The following ADGRB3 variants were observed in gnomAD, a reference collection of about 807,000 sequenced individuals.
ADGRB3 encodes adhesion G protein-coupled receptor B3.
In ADGRB3, 37 loss-of-function variants were observed where a neutral mutation model predicts 193.4. The ratio of observed to expected loss-of-function variants is 0.19; its 90% CI spans 0.15 to 0.25. The LOEUF is 0.25. Ranked by LOEUF, ADGRB3 falls within the 10% of genes least tolerant of loss-of-function variation. The probability of loss-of-function intolerance (pLI) is 1.00; values close to 1 mark genes in which losing one functional copy is unlikely to be tolerated. For missense variants in ADGRB3, 1,637 were observed against 1,852.9 expected (o/e 0.88, Z 2.14); for synonymous variants, 690 against 644.2 (o/e 1.07, Z -1.08).
At chr6:68,969,120 ATAAAG>A (rs897971761) in intron 8 of ADGRB3, among the ~76,000 whole-genome samples, 7 of 152,220 alleles carry the variant, frequency 4.6e-5, no homozygotes, top group East Asian at 3.9e-4. Flanking sequence ...GATTAAAAAG[ATAAAG>A]TAAAACCTGG....
intron 8 of ADGRB3, among the ~76,000 whole-genome samples, chr6:68,958,497 C>A (rs1228883962): frequency 6.6e-6 from 1 of 152,088 alleles, no homozygotes; most frequent in Non-Finnish European, 1.5e-5. Flanking sequence ...TTAAAATTGT[C>A]TTTCATCTGC....
chr6:68,740,013 A>G (rs1262231044), intron 3 of ADGRB3, among the ~76,000 whole-genome samples: 1 of 152,194 alleles, frequency 6.6e-6, no homozygotes, highest in Non-Finnish European at 1.5e-5. Flanking sequence ...TATTATTAAT[A>G]ATAATAATGC....
Position 69,298,335 on chromosome 6 carries a change from CTTTT to C in ADGRB3, c.2815-26533_2815-26530del, listed in dbSNP as rs965114218. Among the ~76,000 whole-genome samples the C allele has an allele frequency of 7.9e-5, 12 of 151,854 alleles. No individual in the cohort carries two copies. In the South Asian group the frequency reaches 2.3e-3, roughly 29 times the overall value. ...AAATAGGGGAACTATCTTCTTTATTCTTTTTTTAAGTTTTAATTTTTACGTATAT... is the reference window on the plus strand; with the variant it reads ...AAATAGGGGAACTATCTTCTTTATTCTTTAAGTTTTAATTTTTACGTATAT... On this transcript the variant is annotated intron_variant, in intron 20 of 31. Transcript: ENST00000370598.
At chr6:69,134,435 G>A (rs1259145149) in intron 17 of ADGRB3, among the ~76,000 whole-genome samples, 1 of 152,058 alleles carries the variant, frequency 6.6e-6, no homozygotes, top group Admixed American at 6.6e-5. Context: ...TTTGCCAATT[G>A]CACTGTGAAA....
intron 3 of ADGRB3, among the ~76,000 whole-genome samples, chr6:68,902,606 G>A (rs993285073): frequency 3.3e-5 from 5 of 151,846 alleles, no homozygotes; most frequent in Non-Finnish European, 5.9e-5. Context: ...TAATATAGTT[G>A]GTTGTTTGAT....
chr6:68,965,452 T>TG (rs916855937), intron 8 of ADGRB3, among the ~76,000 whole-genome samples: 90 of 139,796 alleles, frequency 6.4e-4, no homozygotes, highest in African/African-American at 8.8e-4. Context: ...CATGTTTTTT[T>TG]TTTGTGTGTG....
chr6:69,388,152 A>C (rs560866527), intron 31 of ADGRB3, among the ~76,000 whole-genome samples: 40 of 152,118 alleles, frequency 2.6e-4, no homozygotes, highest in Non-Finnish European at 5.7e-4. Flanking sequence ...ACAACAAAAA[A>C]CTCATAAAAC....
chr6:68,884,705 G>A (rs1273301948), intron 3 of ADGRB3, among the ~76,000 whole-genome samples: 1 of 152,120 alleles, frequency 6.6e-6, no homozygotes, highest in African/African-American at 2.4e-5. Flanking sequence ...ACAGGTAGGT[G>A]TGGGGAGGAG....
chr6:69,066,776 A>G (rs1178314131), intron 16 of ADGRB3, among the ~76,000 whole-genome samples: 1 of 152,072 alleles, frequency 6.6e-6, no homozygotes, highest in Non-Finnish European at 1.5e-5. Context: ...TTTGTTTTTT[A>G]TATCACTTAA....
intron 3 of ADGRB3, among the ~76,000 whole-genome samples, chr6:68,683,566 A>G (rs1034409735): frequency 6.6e-6 from 1 of 152,116 alleles, no homozygotes; most frequent in African/African-American, 2.4e-5. Flanking sequence ...ATTTTTCTAC[A>G]ATATGTATTG....
At chr6:69,055,987 C>T (rs1056058236) in intron 15 of ADGRB3, among the ~76,000 whole-genome samples, 8 of 151,988 alleles carry the variant, frequency 5.3e-5, no homozygotes, top group Admixed American at 3.9e-4. Context: ...TGTACTATCA[C>T]GCCTGGCTAA....
At chr6:69,223,511 A>C (rs999630138) in intron 17 of ADGRB3, among the ~76,000 whole-genome samples, 9 of 152,134 alleles carry the variant, frequency 5.9e-5, no homozygotes, top group East Asian at 5.8e-4. Flanking sequence ...TGCCAAAAGC[A>C]TGACTCAGTC....
chr6:69,139,311 C>G (rs11759629), intron 17 of ADGRB3, among the ~76,000 whole-genome samples: 3 of 152,062 alleles, frequency 2.0e-5, no homozygotes, highest in Non-Finnish European at 4.4e-5. Flanking sequence ...CAATAAATGC[C>G]TGTGTGACTC....
At position 69,238,103 on chromosome 6, in the gene ADGRB3, GAGAC is replaced by G. The variant is rs367718409; in HGVS notation, c.2712-1009_2712-1006del. 7.1e-3 allele frequency among the ~76,000 whole-genome samples: 1,076 copies of G among 152,190 alleles called. 10 individuals carry two copies. The highest frequency in any genetic ancestry group is 0.024 in the African/African-American group (999 of 41,556). On this transcript the variant is annotated intron_variant, in intron 19 of 31. Coordinates refer to ENST00000370598, the MANE Select transcript of ADGRB3 (RefSeq NM_001704.3). ...TTGTCCTCAAAGACAGGGAGAGAGA[GAGAC>G]AGACAGACAGAGAGAAGTTTGACAG... is the stretch of plus-strand genomic sequence containing the variant.
intron 3 of ADGRB3, among the ~76,000 whole-genome samples, chr6:68,924,222 A>G (rs762846618): frequency 2.0e-5 from 3 of 152,080 alleles, no homozygotes; most frequent in Non-Finnish European, 2.9e-5. Context: ...GAAATAACAA[A>G]TAATTCCTGC....
intron 15 of ADGRB3, among the ~76,000 whole-genome samples, chr6:69,054,894 C>T (rs1441228234): frequency 1.3e-5 from 2 of 152,136 alleles, no homozygotes; most frequent in Admixed American, 6.5e-5. Context: ...AATTCCCATA[C>T]TATATGAAAT....
intron 17 of ADGRB3, among the ~76,000 whole-genome samples, chr6:69,192,998 G>A (rs932343467): frequency 2.6e-5 from 4 of 152,122 alleles, no homozygotes; most frequent in African/African-American, 9.7e-5. Flanking sequence ...AATCAAGTTG[G>A]TGGTCGTTCT....
chr6:69,045,765 C>A (rs1771216608), intron 13 of ADGRB3, among the ~76,000 whole-genome samples: 1 of 152,024 alleles, frequency 6.6e-6, no homozygotes, highest in Non-Finnish European at 1.5e-5. Context: ...ATAGTAAAAA[C>A]CTCCATTACA....
At chr6:69,334,195 A>G (rs1561990768) in intron 24 of ADGRB3, among the ~76,000 whole-genome samples, 1 of 151,816 alleles carries the variant, frequency 6.6e-6, no homozygotes, top group Non-Finnish European at 1.5e-5. Flanking sequence ...ATTGAACTGT[A>G]ACCTCATTCA....
Sources: gnomAD v4.1 joint callset for allele counts (sites outside exome capture counted in the v4.1 genomes callset) on GRCh38, gnomAD v4.1.1 for gene constraint, MANE v1.5 for transcripts, NCBI Gene and HGNC (gene_info 2026-07-23, HGNC 2026-07-21) for gene names.